Variants in DENND5B observed in about 807,000 individuals in gnomAD.
DENND5B encodes DENN domain-containing protein 5B.
DENND5B carries 34 observed loss-of-function variants against 140.6 expected under a neutral mutation model. The observed-to-expected ratio is 0.24, with a 90% CI of 0.18 to 0.32. DENND5B has a LOEUF of 0.32. Ranked by LOEUF, DENND5B falls within the 10% of genes least tolerant of loss-of-function variation. The pLI is 1.00. For synonymous variants in DENND5B, 551 were observed against 562.1 expected (o/e 0.98, Z 0.28); for missense variants, 1,142 against 1,560.2 (o/e 0.73, Z 4.52).
rs374313548 is a variant in DENND5B at position 31,424,705 on chromosome 12, A to T, written c.2239-18T>A. The T allele has an allele frequency of 4.3e-6, 7 of 1,612,736 alleles. No homozygotes were observed. Among genetic ancestry groups the T allele is most frequent in the Non-Finnish European group, 5.9e-6 (7 of 1,179,384 alleles). On this transcript the variant is annotated intron_variant, in intron 9 of 20. Transcript: ENST00000389082. ...CGCTTTGTCTAAGAATATCACGTGT[A>T]GTCATAAGGCACCCCAGCAGTGAAA...
At chr12:31,427,145 G>T (rs1234781926) in intron 8 of DENND5B, among the ~76,000 whole-genome samples, 1 of 152,154 alleles carries the variant, frequency 6.6e-6, no homozygotes, top group African/African-American at 2.4e-5. Context: ...ATAATCAAGA[G>T]AAAGTGAATT....
chr12:31,477,842 T>G (rs1945887792), intron 3 of DENND5B: 1 of 220,602 alleles, frequency 4.5e-6, no homozygotes, highest in Middle Eastern at 9.2e-4. Context: ...CTGAAAGTGG[T>G]TTAACAGTCA....
chr12:31,551,491 T>C (rs1949058661), intron 1 of DENND5B, among the ~76,000 whole-genome samples: 1 of 152,330 alleles, frequency 6.6e-6, no homozygotes, highest in African/African-American at 2.4e-5. Context: ...TGAAGTCAGG[T>C]AGCGTGATGC....
At chr12:31,413,405 A>G in intron 13 of DENND5B, 31 bp downstream of exon 13, 2 of 1,599,562 alleles carry the variant, frequency 1.3e-6, no homozygotes, top group East Asian at 2.2e-5. Context: ...TGGATTATAG[A>G]AACAGAAATG....
At chr12:31,506,057 C>T (rs1015434521) in intron 1 of DENND5B, among the ~76,000 whole-genome samples, 2 of 152,014 alleles carry the variant, frequency 1.3e-5, no homozygotes, top group Admixed American at 6.6e-5. Flanking sequence ...TGGTCTTGAA[C>T]CCCTGGGCTC....
At chr12:31,429,164 G>A (rs1352534709) in intron 8 of DENND5B, among the ~76,000 whole-genome samples, 3 of 150,528 alleles carry the variant, frequency 2.0e-5, no homozygotes, top group Admixed American at 6.6e-5. Context: ...GAGCCACCAC[G>A]CCCGGCTGTA....
rs1344249956 is a variant in DENND5B at position 31,398,183 on chromosome 12, T to C, written c.3248A>G (p.Lys1083Arg). 2 of 1,592,222 alleles carry C rather than the reference T, an allele frequency of 1.3e-6. No individual in the cohort carries two copies. The highest frequency in any genetic ancestry group is 1.7e-6 in the Non-Finnish European group (2 of 1,169,666). Residue 1083 changes from lysine to arginine, a missense_variant, in exon 17 of 21, where the codon AAA (lysine) becomes AGA (arginine). Transcript: ENST00000389082. Reference sequence around the variant, plus strand: ...AATTTAAATAAATTTACTGTTGTTTTTTCCTGTCAGTGAAGTGATGCTCAA... The same window carrying C: ...AATTTAAATAAATTTACTGTTGTTTCTTCCTGTCAGTGAAGTGATGCTCAA... ...RRLSITSLTGKNNKPNAGQIQ... is the reference protein window; with the variant it reads ...RRLSITSLTGRNNKPNAGQIQ...
At position 31,552,057 on chromosome 12, in the gene DENND5B, TC is replaced by T. The variant is rs528587681; in HGVS notation, c.127+38648del. On this transcript the variant is annotated intron_variant, in intron 1 of 20. Coordinates refer to ENST00000389082, the MANE Select transcript of DENND5B (RefSeq NM_144973.4). ...TTTTCCTAATTGAATACCCTTTATTTCCTTCTCCTGCCTGATTGCCCTGGCC... is the reference window on the plus strand; with the variant it reads ...TTTTCCTAATTGAATACCCTTTATTTCTTCTCCTGCCTGATTGCCCTGGCC... Among the ~76,000 whole-genome samples, 223 of 152,276 alleles carry T rather than the reference TC, an allele frequency of 1.5e-3. 1 individual carries two copies. Among genetic ancestry groups the T allele is most frequent in the African/African-American group, 4.9e-3 (203 of 41,562 alleles).
In DENND5B at chr12:31,385,309, T is replaced by C. The variant is rs1477177994; in HGVS notation, c.*2294A>G. 2 of 152,224 alleles carry C rather than the reference T, an allele frequency of 1.3e-5. No individual in the cohort carries two copies. The highest frequency in any genetic ancestry group is 2.9e-5 in the Non-Finnish European group (2 of 68,042). The allele number at this position is 152,224 out of a possible 1,614,324, so 9.4% of individuals were successfully genotyped here. A position where few individuals can be genotyped will look rare whatever the true frequency, so the allele number is the denominator to read the frequency against. On this transcript the variant is annotated 3_prime_UTR_variant, in exon 21 of 21. Coordinates refer to ENST00000389082, the MANE Select transcript of DENND5B (RefSeq NM_144973.4). ...ACAAACATGAATTCTAGAGCTTGTG[T>C]TGTCAGTAACCAGCTGTGGGGTAAG...
At chr12:31,434,290 AC>A (rs1221397655) in intron 7 of DENND5B, among the ~76,000 whole-genome samples, 1 of 152,126 alleles carries the variant, frequency 6.6e-6, no homozygotes, top group Non-Finnish European at 1.5e-5. Flanking sequence ...TCCCCTAATT[AC>A]TATGTTCCAG....
chr12:31,466,284 C>A (rs1271781073), intron 3 of DENND5B, among the ~76,000 whole-genome samples: 1 of 151,730 alleles, frequency 6.6e-6, no homozygotes, highest in Non-Finnish European at 1.5e-5. Context: ...ACCCAGGAGG[C>A]AGAGTTTGCA....
intron 2 of DENND5B, among the ~76,000 whole-genome samples, chr12:31,485,851 A>G (rs1048214341): frequency 2.6e-5 from 4 of 152,334 alleles, no homozygotes; most frequent in Admixed American, 6.5e-5. Context: ...AGACCAAATG[A>G]AAGACCACAC....
At chr12:31,575,268 C>T (rs1340998634) in intron 1 of DENND5B, among the ~76,000 whole-genome samples, 1 of 152,170 alleles carries the variant, frequency 6.6e-6, no homozygotes, top group Non-Finnish European at 1.5e-5. Flanking sequence ...AAGCTTTAAA[C>T]CTATAACCAG....
chr12:31,562,944 C>T (rs1949525025), intron 1 of DENND5B, among the ~76,000 whole-genome samples: 2 of 143,802 alleles, frequency 1.4e-5, no homozygotes, highest in African/African-American at 2.6e-5. Context: ...TTTTTTTTAA[C>T]AAATTCTAAA....
intron 1 of DENND5B, among the ~76,000 whole-genome samples, chr12:31,527,550 C>A (rs929872666): frequency 2.6e-5 from 4 of 152,110 alleles, no homozygotes; most frequent in African/African-American, 9.7e-5. Flanking sequence ...GAGGCCGAGG[C>A]GGGCGGATCA....
chr12:31,399,275 CTTTT>C (rs530514939), intron 16 of DENND5B, among the ~76,000 whole-genome samples: 2 of 60,436 alleles, frequency 3.3e-5, no homozygotes, highest in Non-Finnish European at 6.0e-5. Context: ...TCAAACAATT[CTTTT>C]TTTTTTTTTT....
chr12:31,410,018 A>G (rs1942367376), intron 13 of DENND5B, among the ~76,000 whole-genome samples: 3 of 152,342 alleles, frequency 2.0e-5, no homozygotes, highest in African/African-American at 7.2e-5. Context: ...TTCTATTTCA[A>G]TTCATAAAAA....
intron 1 of DENND5B, among the ~76,000 whole-genome samples, chr12:31,517,478 A>G (rs1947704080): frequency 6.6e-6 from 1 of 152,250 alleles, no homozygotes; most frequent in South Asian, 2.1e-4. Context: ...AGTGAAAAGT[A>G]TAGCACAGTA....
intron 2 of DENND5B, among the ~76,000 whole-genome samples, chr12:31,483,641 T>C (rs781135411): frequency 3.9e-5 from 6 of 152,128 alleles, no homozygotes; most frequent in African/African-American, 9.6e-5. Flanking sequence ...GGTTTCACTA[T>C]GTTGGCCAGG....
Sources: allele counts gnomAD v4.1 joint callset (sites outside exome capture counted in the v4.1 genomes callset), GRCh38; gene constraint gnomAD v4.1.1; transcripts MANE v1.5; gene names NCBI Gene and HGNC (gene_info 2026-07-23, HGNC 2026-07-21).